The following TRA2A variants were observed in gnomAD, a reference collection of about 807,000 sequenced individuals.
TRA2A encodes transformer 2 alpha homolog.
In TRA2A, 31 loss-of-function variants were observed where a neutral mutation model predicts 45.7. That is an observed-to-expected ratio of 0.68 (90% CI 0.51 to 0.92). The LOEUF (loss-of-function observed/expected upper bound fraction) is 0.92. Among genes scored for constraint, TRA2A ranks in the 40% least tolerant of loss-of-function variants. The probability of loss-of-function intolerance (pLI) is 0.00; values close to 1 mark genes in which losing one functional copy is unlikely to be tolerated. For missense variants in TRA2A, 304 were observed against 367.5 expected (o/e 0.83, Z 1.41); for synonymous variants, 132 against 126.2 (o/e 1.05, Z -0.31).
intron 1 of TRA2A, chr7:23,531,367 C>G (rs1790575055): frequency 4.3e-6 from 2 of 461,240 alleles, no homozygotes; most frequent in South Asian, 7.1e-5. Context: ...ATCCCGAGAC[C>G]CTCTACGATG....
intron 2 of TRA2A, among the ~76,000 whole-genome samples, chr7:23,516,847 T>A (rs946926514): frequency 6.6e-6 from 1 of 151,776 alleles, no homozygotes; most frequent in African/African-American, 2.4e-5. Context: ...CGGTGGCTCA[T>A]GCCTGTAATC....
intron 3 of TRA2A, among the ~76,000 whole-genome samples, chr7:23,515,035 T>A (rs924470163): frequency 1.5e-4 from 23 of 152,118 alleles, no homozygotes; most frequent in African/African-American, 4.8e-4. Context: ...CAATTTTTTT[T>A]ATATATAACA....
At chr7:23,523,467 G>A (rs1234084368) in intron 1 of TRA2A, among the ~76,000 whole-genome samples, 1 of 152,150 alleles carries the variant, frequency 6.6e-6, no homozygotes, top group Non-Finnish European at 1.5e-5. Flanking sequence ...CAATTTCACA[G>A]AAGTAATTTC....
chr7:23,527,658 A>G (rs574605397), intron 1 of TRA2A, among the ~76,000 whole-genome samples: 1 of 152,344 alleles, frequency 6.6e-6, no homozygotes, highest in South Asian at 2.1e-4. Context: ...GCCCACAGAC[A>G]AAGTGTTTTC....
Position 23,515,223 on chromosome 7 carries a change from C to CTTT in TRA2A, c.336+1137_336+1139dup, listed in dbSNP as rs767953060. On this transcript the variant is annotated intron_variant, in intron 3 of 7. Transcript: ENST00000297071. ...TCACTTGAATTCGTGGAACATATTT[C>CTTT]TTTTTTTTTTTTTTTTTTTTTTTTG... 6.2e-3 allele frequency among the ~76,000 whole-genome samples: 598 copies of CTTT among 96,768 alleles called. 1 individual carries two copies. The highest frequency in any genetic ancestry group is 8.1e-3 in the East Asian group (24 of 2,978). 63.5% of individuals were successfully genotyped at this position (96,768 alleles called of 152,430 possible).
chr7:23,519,284 C>T (rs1236168839), intron 2 of TRA2A, among the ~76,000 whole-genome samples: 1 of 152,024 alleles, frequency 6.6e-6, no homozygotes, highest in East Asian at 1.9e-4. Context: ...ATCCCAGCTA[C>T]TCGGGAGGCT....
chr7:23,506,582 G>C, intron 5 of TRA2A: 1 of 307,766 alleles, frequency 3.2e-6, no homozygotes, highest in East Asian at 5.4e-5. Context: ...AAAATGCTAA[G>C]ATGCATTCCT....
At chr7:23,525,297 G>C (rs1418466658) in intron 1 of TRA2A, among the ~76,000 whole-genome samples, 1 of 152,178 alleles carries the variant, frequency 6.6e-6, no homozygotes, top group African/African-American at 2.4e-5. Flanking sequence ...TTTGGAAAAT[G>C]AATTGAAATT....
intron 2 of TRA2A, among the ~76,000 whole-genome samples, chr7:23,520,752 G>A (rs566211095): frequency 2.7e-5 from 4 of 146,188 alleles, no homozygotes; most frequent in South Asian, 2.2e-4. Flanking sequence ...GTGCACTGGC[G>A]CCATCTCTTG....
intron 1 of TRA2A, chr7:23,522,071 G>A: frequency 1.5e-6 from 2 of 1,358,668 alleles, no homozygotes; most frequent in Non-Finnish European, 1.9e-6. Flanking sequence ...AAGTAATCAT[G>A]CAAATTCATC....
At chr7:23,510,318 T>G (rs1377556059) in intron 4 of TRA2A, among the ~76,000 whole-genome samples, 1 of 152,174 alleles carries the variant, frequency 6.6e-6, no homozygotes, top group Non-Finnish European at 1.5e-5. Flanking sequence ...AAGTTGCCAG[T>G]TAAGCTTTTT....
intron 3 of TRA2A, 60 bp from the exon 4 acceptor site, chr7:23,513,142 A>G: frequency 1.6e-6 from 2 of 1,253,990 alleles, no homozygotes; most frequent in African/African-American, 3.0e-5. Context: ...AGAAACACAG[A>G]AATACTTTGT....
intron 5 of TRA2A, chr7:23,506,559 G>A (rs1789348319): frequency 2.9e-6 from 1 of 350,282 alleles, no homozygotes; most frequent in Non-Finnish European, 5.1e-6. Context: ...GCACTGTGTT[G>A]AGCAGCAGTA....
intron 3 of TRA2A, among the ~76,000 whole-genome samples, chr7:23,514,725 A>C (rs1403446288): frequency 6.6e-6 from 1 of 152,092 alleles, no homozygotes; most frequent in Non-Finnish European, 1.5e-5. Context: ...CCTCCCAAGT[A>C]GTCGGGATTA....
Position 23,531,517 on chromosome 7 carries a change from A to C in TRA2A, c.36+272T>G, listed in dbSNP as rs557067922. 2.1e-3 allele frequency: 1,164 copies of C among 556,632 alleles called. 1 individual carries two copies. Among genetic ancestry groups the C allele is most frequent in the Non-Finnish European group, 3.1e-3 (988 of 314,876 alleles). 34.5% of individuals were successfully genotyped at this position (556,632 alleles called of 1,614,324 possible). A position where few individuals can be genotyped will look rare whatever the true frequency, so the allele number is the denominator to read the frequency against. On this transcript the variant is annotated intron_variant, in intron 1 of 7. Coordinates refer to ENST00000297071, the MANE Select transcript of TRA2A (RefSeq NM_013293.5). ...ACATAAGGAAGCCTCAGGGGTGGGG[A>C]GAAGGGAGGAAGCAATGCGGGGGCG...
At chr7:23,512,047 A>G (rs534306520) in intron 4 of TRA2A, among the ~76,000 whole-genome samples, 5 of 152,346 alleles carry the variant, frequency 3.3e-5, no homozygotes, top group African/African-American at 9.6e-5. Flanking sequence ...ACACTTACAC[A>G]TATACTTTTT....
chr7:23,530,749 G>C (rs1348454414), intron 1 of TRA2A, among the ~76,000 whole-genome samples: 1 of 152,066 alleles, frequency 6.6e-6, no homozygotes, highest in Non-Finnish European at 1.5e-5. Flanking sequence ...ACTTTTTTCT[G>C]AGCCCTCTTC....
At chr7:23,510,471 C>T (rs1013737247) in intron 4 of TRA2A, among the ~76,000 whole-genome samples, 9 of 151,556 alleles carry the variant, frequency 5.9e-5, no homozygotes, top group East Asian at 1.9e-4. Context: ...CTTGGGGTTA[C>T]AGGCGCTTGC....
chr7:23,518,984 A>C (rs114855248), intron 2 of TRA2A, among the ~76,000 whole-genome samples: 2,048 of 152,254 alleles, frequency 0.013, 54 homozygotes, highest in African/African-American at 0.047. Context: ...CACCACACTC[A>C]GCCTAAGCCT....
Sources: allele counts gnomAD v4.1 joint callset (sites outside exome capture counted in the v4.1 genomes callset), GRCh38; gene constraint gnomAD v4.1.1; transcripts MANE v1.5; gene names NCBI Gene and HGNC (gene_info 2026-07-23, HGNC 2026-07-21).